HAUS2: variants seen among roughly 807,000 people sequenced by gnomAD.
HAUS2 encodes the protein HAUS augmin like complex subunit 2.
HAUS2 carries 20 observed loss-of-function variants against 21.6 expected under a neutral mutation model. That is an observed-to-expected ratio of 0.93 (90% CI 0.65 to 1.35). HAUS2 has a LOEUF of 1.35. Ranked by LOEUF, HAUS2 falls within the 40% of genes most tolerant of loss-of-function variation. The pLI is 0.00. For synonymous variants in HAUS2, 113 were observed against 95.6 expected, an observed-to-expected ratio of 1.18 and a Z score of -1.06; for missense variants, 297 against 280.7, an observed-to-expected ratio of 1.06 and a Z score of -0.42.
At chr15:42,549,498 G>T (rs895409930) in intron 1 of HAUS2, among the ~76,000 whole-genome samples, 7 of 151,826 alleles carry the variant, frequency 4.6e-5, no homozygotes, top group Admixed American at 2.6e-4. Flanking sequence ...CCAGGCTGGA[G>T]TGCAGTGGCG....
Position 42,548,964 on chromosome 15 carries a change from A to T in HAUS2, c.92A>T (p.Gln31Leu). Residue 31 changes from glutamine to leucine, a missense_variant and splice_region_variant, in exon 1 of 6, where the codon CAG (glutamine) becomes CTG (leucine). Transcript: ENST00000260372. ...TTCATAGCTTCGGGGATGGTCAATC[A>T]GGTACGTGGGGGTGGCGGTGGTGTC... ...GHFIASGMVN[Q>L]EMLNMSKKTV... The T allele has an allele frequency of 6.5e-7, 1 of 1,541,638 alleles. No individual in the cohort carries two copies. Among genetic ancestry groups the T allele is most frequent in the Non-Finnish European group, 8.8e-7 (1 of 1,136,996 alleles).
chr15:42,558,362 G>A (rs1436969375), intron 2 of HAUS2, 72 bp downstream of exon 2: 35 of 585,330 alleles, frequency 6.0e-5, no homozygotes, highest in Non-Finnish European at 7.2e-5. Flanking sequence ...GCTCTGTCAC[G>A]CAGGCTGGAG....
intron 1 of HAUS2, among the ~76,000 whole-genome samples, chr15:42,553,545 G>A (rs890280011): frequency 6.6e-6 from 1 of 151,550 alleles, no homozygotes; most frequent in African/African-American, 2.4e-5. Context: ...TATTTATTAT[G>A]GAAAATAAGC....
chr15:42,552,045 C>T (rs1454819596), intron 1 of HAUS2, among the ~76,000 whole-genome samples: 1 of 151,566 alleles, frequency 6.6e-6, no homozygotes, highest in Non-Finnish European at 1.5e-5. Context: ...TTCCCTGAGA[C>T]AGAGTCTCAC....
At chr15:42,554,536 G>A (rs2057753391) in intron 1 of HAUS2, among the ~76,000 whole-genome samples, 1 of 150,830 alleles carries the variant, frequency 6.6e-6, no homozygotes, top group Admixed American at 6.6e-5. Flanking sequence ...TGTTGTTCAG[G>A]CTGGAGTGCA....
chr15:42,551,431 A>G (rs532250315), intron 1 of HAUS2, among the ~76,000 whole-genome samples: 14 of 151,902 alleles, frequency 9.2e-5, no homozygotes, highest in African/African-American at 3.4e-4. Context: ...ACCTGAGGTC[A>G]GGAGTTTGAG....
intron 1 of HAUS2, 131 bp from the exon 2 acceptor site, chr15:42,558,067 T>C (rs2057805527): frequency 3.4e-6 from 2 of 584,362 alleles, no homozygotes; most frequent in South Asian, 2.1e-5. Flanking sequence ...ACTATTTTAC[T>C]TTGTACTTCA....
chr15:42,563,715 T>TA, intron 4 of HAUS2, 34 bp from the exon 5 acceptor site: 1 of 1,051,122 alleles, frequency 9.5e-7, no homozygotes, highest in Non-Finnish European at 1.5e-6. Context: ...AATTAAACTT[T>TA]AAAAAATGGT....
At chr15:42,564,736 G>A (rs1053084220) in intron 5 of HAUS2, among the ~76,000 whole-genome samples, 9 of 152,168 alleles carry the variant, frequency 5.9e-5, no homozygotes, top group African/African-American at 1.4e-4. Flanking sequence ...TGAGGCACCC[G>A]CCTCGGCCTC....
chr15:42,560,085 G>T (rs748647969), intron 3 of HAUS2, among the ~76,000 whole-genome samples: 7 of 152,142 alleles, frequency 4.6e-5, no homozygotes, highest in Non-Finnish European at 1.0e-4. Context: ...AGCCTGGGAG[G>T]TCGAGGCTGC....
intron 4 of HAUS2, among the ~76,000 whole-genome samples, chr15:42,563,110 C>T (rs1338224603): frequency 7.4e-6 from 1 of 135,398 alleles, no homozygotes; most frequent in African/African-American, 2.9e-5. Context: ...CAGACTCTGT[C>T]TCAAAAAAAA....
intron 4 of HAUS2, 40 bp from the exon 5 acceptor site, chr15:42,563,708 TA>T: frequency 1.0e-6 from 1 of 984,602 alleles, no homozygotes; most frequent in East Asian, 2.4e-5. Context: ...GTAAAACAAT[TA>T]AACTTTAAAA....
At chr15:42,557,735 TACAC>T (rs1172756087) in intron 1 of HAUS2, among the ~76,000 whole-genome samples, 6 of 151,830 alleles carry the variant, frequency 4.0e-5, no homozygotes, top group South Asian at 2.1e-4. Context: ...AATGTGAACA[TACAC>T]AGTATGAATG....
chr15:42,568,423 C>T lies in HAUS2; in HGVS notation c.*1607C>T, dbSNP rs2057927767. On this transcript the variant is annotated 3_prime_UTR_variant, in exon 6 of 6. Coordinates refer to ENST00000260372, the MANE Select transcript of HAUS2 (RefSeq NM_018097.3). ...TAAACTTAGCCTTTTATCATGAGCC[C>T]ACTCCCAAGATAGCAGCACTAATTC... is the stretch of plus-strand genomic sequence containing the variant. 1 of 152,216 alleles carries T rather than the reference C, an allele frequency of 6.6e-6. No individual in the cohort carries two copies. The highest frequency in any genetic ancestry group is 2.4e-5 in the African/African-American group (1 of 41,448). 9.4% of individuals were successfully genotyped at this position (152,216 alleles called of 1,614,324 possible). A position where few individuals can be genotyped will look rare whatever the true frequency, so the allele number is the denominator to read the frequency against.
At chr15:42,558,418 C>T (rs976964496) in intron 2 of HAUS2, 128 bp downstream of exon 2, 14 of 538,070 alleles carry the variant, frequency 2.6e-5, no homozygotes, top group Non-Finnish European at 4.6e-5. Context: ...AACTCCGCCT[C>T]CCAGGTTCAC....
At chr15:42,556,850 CA>C (rs556250001) in intron 1 of HAUS2, among the ~76,000 whole-genome samples, 9,357 of 108,272 alleles carry the variant, frequency 0.086, 935 homozygotes, top group African/African-American at 0.25. Flanking sequence ...ACTAAAAATA[CA>C]AAAAAAAAAA....
At chr15:42,555,082 T>G (rs555035797) in intron 1 of HAUS2, among the ~76,000 whole-genome samples, 3 of 151,624 alleles carry the variant, frequency 2.0e-5, no homozygotes, top group African/African-American at 7.3e-5. Context: ...CTTCGCCTCC[T>G]GGGTTCAAGC....
intron 1 of HAUS2, among the ~76,000 whole-genome samples, chr15:42,550,997 C>CTTTTTT (rs56371573): frequency 1.1e-4 from 14 of 132,790 alleles, no homozygotes; most frequent in Non-Finnish European, 1.9e-4. Flanking sequence ...CTTTTCTTTT[C>CTTTTTT]TTTTTTTTTT....
chr15:42,558,329 T>TTG, intron 2 of HAUS2, 39 bp downstream of exon 2: 1 of 795,880 alleles, frequency 1.3e-6, no homozygotes. Context: ...TTTTTTTTTT[T>TTG]TTTTTTTTTG....
Sources: gnomAD v4.1 joint callset for allele counts (sites outside exome capture counted in the v4.1 genomes callset) on GRCh38, gnomAD v4.1.1 for gene constraint, MANE v1.5 for transcripts, NCBI Gene and HGNC (gene_info 2026-07-23, HGNC 2026-07-21) for gene names.